The following KNL1 variants were observed in gnomAD, a reference collection of about 807,000 sequenced individuals.
The protein encoded by KNL1 is kinetochore scaffold 1, also known as outer kinetochore KNL1 complex subunit KNL1.
In KNL1, 66 loss-of-function variants were observed where a neutral mutation model predicts 201.3. The ratio of observed to expected loss-of-function variants is 0.33; its 90% CI spans 0.27 to 0.40. The LOEUF is 0.40. Ranked by LOEUF, KNL1 falls within the 10% of genes least tolerant of loss-of-function variation. The probability of loss-of-function intolerance (pLI) is 1.00; values close to 1 mark genes in which losing one functional copy is unlikely to be tolerated. For synonymous variants in KNL1, 895 were observed against 899.2 expected, an observed-to-expected ratio of 1.00 and a Z score of 0.08; for missense variants, 2,815 against 2,690.5, an observed-to-expected ratio of 1.05 and a Z score of -1.02.
rs749419723 is a variant in KNL1 at position 40,622,531 on chromosome 15, C to T, written c.2267C>T (p.Ser756Leu). 6.8e-6 allele frequency: 11 copies of T among 1,613,878 alleles called. No individual in the cohort carries two copies. In the East Asian group the frequency reaches 2.5e-4, roughly 36 times the overall value. Residue 756 changes from serine to leucine, a missense_variant, in exon 10 of 26, where the codon TCA becomes TTA. By Grantham distance (145) the Ser-to-Leu change is moderately radical. Transcript: ENST00000399668. ...DYCHDKMIIC[S>L]EEEQNMDLTK... is the part of the protein sequence containing the mutation. ...TGCCATGACAAGATGATTATATGTTCAGAGGAAGAGCAAAATATGGATCTA... is the reference window on the plus strand; with the variant it reads ...TGCCATGACAAGATGATTATATGTTTAGAGGAAGAGCAAAATATGGATCTA...
chr15:40,652,649 G>C (rs1206692042), intron 21 of KNL1, among the ~76,000 whole-genome samples: 1 of 150,394 alleles, frequency 6.6e-6, no homozygotes, highest in Non-Finnish European at 1.5e-5. Context: ...TGTAATCCTA[G>C]TTACTCGGGA....
chr15:40,639,600 GA>G (rs922440893), intron 13 of KNL1, among the ~76,000 whole-genome samples: 32 of 147,204 alleles, frequency 2.2e-4, no homozygotes, highest in South Asian at 1.7e-3. Flanking sequence ...AAAAAAAAAG[GA>G]AAAAAAAAAT....
intron 1 of KNL1, among the ~76,000 whole-genome samples, chr15:40,596,390 C>T: frequency 6.6e-6 from 1 of 152,106 alleles, no homozygotes; most frequent in Non-Finnish European, 1.5e-5. Flanking sequence ...GATTCTCCTG[C>T]CTCAGCTTCC....
chr15:40,603,073 C>G (rs1891860397), intron 2 of KNL1, 107 bp downstream of exon 2: 1 of 727,766 alleles, frequency 1.4e-6, no homozygotes, highest in Non-Finnish European at 2.2e-6. Context: ...CCATTGTGTT[C>G]CAAGAAAAAG....
At chr15:40,654,864 C>CT in intron 21 of KNL1, 45 bp from the exon 22 acceptor site, 1 of 1,434,640 alleles carries the variant, frequency 7.0e-7, no homozygotes, top group Non-Finnish European at 9.7e-7. Flanking sequence ...GTGAGACTCT[C>CT]TGTCTAAAAA....
At chr15:40,639,988 G>A (rs143330012) in intron 13 of KNL1, among the ~76,000 whole-genome samples, 8 of 152,188 alleles carry the variant, frequency 5.3e-5, no homozygotes, top group Non-Finnish European at 1.0e-4. Context: ...CAGGAAGATC[G>A]CTTGAGCCTA....
Position 40,645,761 on chromosome 15 carries a change from C to G in KNL1, c.5995C>G (p.Gln1999Glu), listed in dbSNP as rs768954764. The G allele has an allele frequency of 1.1e-5, 18 of 1,565,514 alleles. No homozygotes were observed. Among genetic ancestry groups the G allele is most frequent in the Non-Finnish European group, 1.6e-5 (18 of 1,145,292 alleles). Residue 1999 changes from glutamine (Q) to glutamate (E), a missense_variant, in exon 16 of 26, where the codon CAG becomes GAG. Physicochemically the swap from Gln to Glu is conservative, Grantham distance 29. Around this residue, in one of 3 missense-constraint regions of KNL1, gnomAD observed 334 missense variants for 362.6 expected, o/e 0.92. Coordinates refer to ENST00000399668, the MANE Select transcript of KNL1 (RefSeq NM_144508.5). ...GKVALYGKLV[Q>E]SAQNEREKLQ... ...AGTGGCTCTGTATGGCAAGCTGGTG[C>G]AGTCAGCTCAGGTAATTTGAGACAG...
intron 9 of KNL1, 62 bp downstream of exon 9, chr15:40,619,073 C>T: frequency 9.0e-7 from 1 of 1,108,104 alleles, no homozygotes; most frequent in Non-Finnish European, 1.4e-6. Flanking sequence ...ACAGAAAACA[C>T]AATTCAATGA....
Position 40,624,248 on chromosome 15 carries a change from A to G in KNL1, c.3984A>G (p.Glu1328=), listed in dbSNP as rs1567009929. 2 of 1,613,922 alleles carry G rather than the reference A, an allele frequency of 1.2e-6. No individual in the cohort carries two copies. Among genetic ancestry groups the G allele is most frequent in the Non-Finnish European group, 1.7e-6 (2 of 1,179,968 alleles). The change falls in exon 10 of 26, where the codon GAA becomes GAG. Residue 1328 remains glutamate (E), a synonymous_variant. Coordinates refer to ENST00000399668, the MANE Select transcript of KNL1 (RefSeq NM_144508.5). The part of the protein sequence containing the change: ...SAMLLCDKDE[E]KANYCPVQND... ...TGCTCTTATGTGATAAAGATGAGGA[A>G]AAAGCCAATTATTGCCCAGTGCAAA...
Position 40,623,033 on chromosome 15 carries a change from C to G in KNL1, c.2769C>G (p.Ala923=), listed in dbSNP as rs1158947716. 6.2e-7 allele frequency: 1 copy of G among 1,613,892 alleles called. No individual in the cohort carries two copies. The highest frequency in any genetic ancestry group is 1.1e-5 in the South Asian group (1 of 91,056). Residue 923 remains alanine (A), a synonymous_variant, in exon 10 of 26, where the codon GCC becomes GCG. Transcript: ENST00000399668. The part of the protein sequence containing the change: ...DMEITRSHTT[A]LECKTVSPDE... ...AGATCACTAGAAGTCACACAACTGC[C>G]TTAGAATGTAAAACTGTCTCACCAG... is the stretch of plus-strand genomic sequence containing the variant.
chr15:40,641,049 T>A (rs1377169972), intron 14 of KNL1, 22 bp downstream of exon 14: 3 of 1,507,108 alleles, frequency 2.0e-6, no homozygotes, highest in African/African-American at 2.8e-5. Context: ...TTAATTTTTA[T>A]GTGTGTTTTT....
At chr15:40,602,037 GT>G (rs538082249) in intron 1 of KNL1, among the ~76,000 whole-genome samples, 3 of 136,700 alleles carry the variant, frequency 2.2e-5, no homozygotes, top group Admixed American at 7.4e-5. Flanking sequence ...TTTTGTTTTT[GT>G]TTTTTTTTTG....
At chr15:40,628,024 C>T in intron 10 of KNL1, 46 bp from the exon 11 acceptor site, 1 of 1,330,550 alleles carries the variant, frequency 7.5e-7, no homozygotes, top group Non-Finnish European at 1.0e-6. Context: ...CGTAAGTATA[C>T]AGTGTATATT....
chr15:40,605,184 C>G (rs1436554789), intron 3 of KNL1, 35 bp downstream of exon 3: 8 of 1,207,392 alleles, frequency 6.6e-6, no homozygotes, highest in Non-Finnish European at 9.9e-6. Context: ...TAATTGTCAG[C>G]TTTTATTTAA....
chr15:40,624,479 A>G lies in KNL1; in HGVS notation c.4215A>G (p.Val1405=), dbSNP rs1312989451. 1 of 1,613,820 alleles carries G rather than the reference A, an allele frequency of 6.2e-7. No individual in the cohort carries two copies. Among genetic ancestry groups the G allele is most frequent in the Non-Finnish European group, 8.5e-7 (1 of 1,179,874 alleles). ...PRNLLANQTL[V]YSQDLGEMTK... ...ATCTATTGGCTAATCAAACTTTAGTATATAGTCAAGATCTGGGGGAGATGA... is the reference window on the plus strand; with the variant it reads ...ATCTATTGGCTAATCAAACTTTAGTGTATAGTCAAGATCTGGGGGAGATGA... The change falls in exon 10 of 26, where the codon GTA becomes GTG. Residue 1405 remains valine (V), a synonymous_variant. Coordinates refer to ENST00000399668, the MANE Select transcript of KNL1 (RefSeq NM_144508.5).
chr15:40,639,288 TA>T (rs1249027628), intron 13 of KNL1, among the ~76,000 whole-genome samples: 28 of 141,170 alleles, frequency 2.0e-4, no homozygotes, highest in Non-Finnish European at 2.2e-4. Context: ...ACCCCATAAC[TA>T]AAAAAAAAAA....
Position 40,661,991 on chromosome 15 carries a change from A to AT in KNL1, c.6837-81dup. 4.1e-6 allele frequency: 3 copies of AT among 734,360 alleles called. No homozygotes were observed. In the South Asian group the frequency reaches 4.7e-5, roughly 11 times the overall value. 45.5% of individuals were successfully genotyped at this position (734,360 alleles called of 1,614,324 possible). On this transcript the variant is annotated intron_variant, in intron 25 of 25. Transcript: ENST00000399668. Reference sequence around the variant, plus strand: ...GGGAGGTGGAGCTTGCAGTGAGCGGATTGCGCCACTGCACTCCAGCCTGGG... The same window carrying AT: ...GGGAGGTGGAGCTTGCAGTGAGCGGATTTGCGCCACTGCACTCCAGCCTGGG...
chr15:40,630,984 G>C (rs1278195194), intron 13 of KNL1, among the ~76,000 whole-genome samples: 2 of 152,056 alleles, frequency 1.3e-5, no homozygotes, highest in African/African-American at 4.8e-5. Context: ...TGGGCATGGT[G>C]GCACACACCT....
rs904722584 is a variant in KNL1, at chr15:40,628,652, A to G, written c.5557A>G (p.Thr1853Ala). 3.1e-6 allele frequency: 5 copies of G among 1,602,104 alleles called. No individual in the cohort carries two copies. The highest frequency in any genetic ancestry group is 4.3e-6 in the Non-Finnish European group (5 of 1,172,870). The change falls in exon 12 of 26, where the codon ACT becomes GCT. Residue 1853 changes from threonine to alanine, a missense_variant. This residue lies in a region of KNL1 where 2,464 missense variants were observed against 2,291.7 expected (regional missense o/e 1.08). Transcript: ENST00000399668. The stretch of plus-strand genomic sequence containing the variant: ...AATGGAATCACAGTTTCTCAGAGAT[A>G]CTATTTGTGAAGAGAGCTTGAGGGA... The part of the protein sequence containing the change: ...SQMESQFLRD[T>A]ICEESLREKL...
Sources: allele counts gnomAD v4.1 joint callset (sites outside exome capture counted in the v4.1 genomes callset), GRCh38; gene constraint gnomAD v4.1.1; regional missense constraint gnomAD v4.1.1; transcripts MANE v1.5; gene names NCBI Gene and HGNC (gene_info 2026-07-23, HGNC 2026-07-21).